The following DCAF8L2 variants were observed in gnomAD, a reference collection of about 807,000 sequenced individuals.
DCAF8L2 encodes the protein DDB1 and CUL4 associated factor 8 like 2, also known as DDB1- and CUL4-associated factor 8-like protein 2.
For synonymous variants in DCAF8L2, 200 were observed against 190.9 expected (o/e 1.05, Z -0.39); for missense variants, 430 against 490.7 (o/e 0.88, Z 1.17).
chrX:27,685,138 T>G (rs1279708599), intron 3 of DCAF8L2, among the ~76,000 whole-genome samples: 1 of 111,858 alleles, frequency 8.9e-6, no homozygotes, highest in Non-Finnish European at 1.9e-5. Flanking sequence ...AGAAACTTCT[T>G]GCTTTGACAT....
chrX:27,515,168 T>C, the DCAF8L2 span, among the ~76,000 whole-genome samples: 1 of 111,888 alleles, frequency 8.9e-6, no homozygotes, highest in Admixed American at 9.5e-5. Flanking sequence ...TTGAGGCTTT[T>C]TTGGCATGAG....
chrX:27,541,875 G>GT, the DCAF8L2 span, among the ~76,000 whole-genome samples: 1 of 110,665 alleles, frequency 9.0e-6, no homozygotes, highest in African/African-American at 3.3e-5. Context: ...CCCAATATCT[G>GT]TTTTTCTCAT....
intron 4 of DCAF8L2, among the ~76,000 whole-genome samples, chrX:27,731,663 G>A (rs1921214461): frequency 9.0e-6 from 1 of 110,985 alleles, no homozygotes; most frequent in African/African-American, 3.3e-5. Context: ...CATCCCATTA[G>A]GGCATAGGGA....
At chrX:27,659,642 G>T (rs1435514071) in intron 2 of DCAF8L2, among the ~76,000 whole-genome samples, 2 of 109,045 alleles carry the variant, frequency 1.8e-5, no homozygotes, top group Non-Finnish European at 3.8e-5. Context: ...TTCCTATTTT[G>T]TCTAACTGGG....
At chrX:27,619,008 T>TA (rs1555919675) in intron 1 of DCAF8L2, among the ~76,000 whole-genome samples, 1 of 90,357 alleles carries the variant, frequency 1.1e-5, no homozygotes, top group Non-Finnish European at 2.3e-5. Context: ...ATATCTAATC[T>TA]ATCTATCTAT....
At chrX:27,528,139 T>C in the DCAF8L2 span, among the ~76,000 whole-genome samples, 28 of 105,534 alleles carry the variant, frequency 2.7e-4, no homozygotes, top group African/African-American at 9.4e-4. Context: ...AATTAAATTA[T>C]TAAATTGTGG....
chrX:27,555,942 A>G, the DCAF8L2 span, among the ~76,000 whole-genome samples: 5 of 111,134 alleles, frequency 4.5e-5, no homozygotes, highest in African/African-American at 1.3e-4. Context: ...TTCTCTGAAC[A>G]CCCATGAACC....
chrX:27,665,881 C>T (rs1485787272), intron 2 of DCAF8L2, among the ~76,000 whole-genome samples: 3 of 111,598 alleles, frequency 2.7e-5, no homozygotes, highest in Non-Finnish European at 5.7e-5. Flanking sequence ...CACTTAATAG[C>T]CTACAGTGTA....
At chrX:27,587,644 T>C (rs1048692476), upstream of DCAF8L2, among the ~76,000 whole-genome samples, 3 of 111,490 alleles carry the variant, frequency 2.7e-5, no homozygotes, top group East Asian at 2.8e-4. Flanking sequence ...GATCCAAAAT[T>C]GAACTAATAT....
At chrX:27,610,773 A>G (rs1224189293) in intron 1 of DCAF8L2, among the ~76,000 whole-genome samples, 1 of 111,921 alleles carries the variant, frequency 8.9e-6, no homozygotes, top group Admixed American at 9.5e-5. Flanking sequence ...TAATTCACCA[A>G]CCTGGCTGCT....
At chrX:27,591,943 G>A (rs1429003789) in intron 1 of DCAF8L2, among the ~76,000 whole-genome samples, 1 of 112,432 alleles carries the variant, frequency 8.9e-6, no homozygotes, top group Non-Finnish European at 1.9e-5. Context: ...GCTCCCAAAT[G>A]TACAGCACAG....
chrX:27,685,137 T>C, intron 3 of DCAF8L2, among the ~76,000 whole-genome samples: 1 of 111,929 alleles, frequency 8.9e-6, no homozygotes, highest in Middle Eastern at 4.6e-3. Context: ...AAGAAACTTC[T>C]TGCTTTGACA....
chrX:27,526,892 T>A, the DCAF8L2 span, among the ~76,000 whole-genome samples: 1 of 112,314 alleles, frequency 8.9e-6, no homozygotes, highest in African/African-American at 3.2e-5. Context: ...GGAAGCTTCG[T>A]CTCAGAGGGA....
the DCAF8L2 span, among the ~76,000 whole-genome samples, chrX:27,532,457 T>C: frequency 9.0e-6 from 1 of 111,006 alleles, no homozygotes. Context: ...AACCCATGAG[T>C]CCTATTAATG....
the DCAF8L2 span, among the ~76,000 whole-genome samples, chrX:27,490,461 T>G: frequency 9.1e-6 from 1 of 109,966 alleles, no homozygotes; most frequent in Non-Finnish European, 1.9e-5. Flanking sequence ...TTTTGTTTTT[T>G]GTTTTTTGTT....
At chrX:27,657,154 T>C (rs1249597104) in intron 2 of DCAF8L2, among the ~76,000 whole-genome samples, 3 of 111,343 alleles carry the variant, frequency 2.7e-5, no homozygotes, top group East Asian at 2.8e-4. Flanking sequence ...CATATGATCA[T>C]GTGAGTTAAT....
chrX:27,477,177 A>G, the DCAF8L2 span, among the ~76,000 whole-genome samples: 10 of 112,681 alleles, frequency 8.9e-5, no homozygotes, highest in African/African-American at 2.9e-4. Flanking sequence ...TTAAAATAGC[A>G]TGGTGACTGA....
intron 4 of DCAF8L2, among the ~76,000 whole-genome samples, chrX:27,725,688 A>G (rs984714834): frequency 9.3e-6 from 1 of 107,970 alleles, no homozygotes; most frequent in Admixed American, 1.0e-4. Context: ...ATATAAGAGG[A>G]TAGTGTTACA....
intron 1 of DCAF8L2, among the ~76,000 whole-genome samples, chrX:27,606,953 A>G (rs1403325610): frequency 1.8e-5 from 2 of 111,503 alleles, no homozygotes; most frequent in African/African-American, 6.5e-5. Flanking sequence ...ATCCAGTTAC[A>G]ATAGTTTGGT....
Sources: gnomAD v4.1 joint callset for allele counts (sites outside exome capture counted in the v4.1 genomes callset) on GRCh38, gnomAD v4.1.1 for gene constraint, MANE v1.5 for transcripts, NCBI Gene and HGNC (gene_info 2026-07-23, HGNC 2026-07-21) for gene names.